Variants in TMEM132B observed in about 807,000 individuals in gnomAD.
The protein encoded by TMEM132B is transmembrane protein 132B.
TMEM132B carries 18 observed loss-of-function variants against 90.8 expected under a neutral mutation model. The observed-to-expected ratio is 0.20, with a 90% CI of 0.14 to 0.29. The LOEUF is 0.29. TMEM132B is among the 10% of genes least tolerant of loss of function. The probability of loss-of-function intolerance (pLI) is 1.00; values close to 1 mark genes in which losing one functional copy is unlikely to be tolerated. For missense variants in TMEM132B, 1,096 were observed against 1,326.8 expected, an observed-to-expected ratio of 0.83 and a Z score of 2.70; for synonymous variants, 504 against 523.3, an observed-to-expected ratio of 0.96 and a Z score of 0.50.
At chr12:125,193,900 G>T (rs562795316) in intron 1 of TMEM132B, among the ~76,000 whole-genome samples, 2 of 152,358 alleles carry the variant, frequency 1.3e-5, no homozygotes, top group East Asian at 3.9e-4. Context: ...TGAAGCAGAG[G>T]AGCTCAGAGG....
intron 2 of TMEM132B, among the ~76,000 whole-genome samples, chr12:125,372,998 G>A (rs761656873): frequency 9.2e-5 from 14 of 152,210 alleles, no homozygotes; most frequent in South Asian, 6.2e-4. Context: ...CCTTTTCCCC[G>A]ACCATCCCTA....
At chr12:125,500,910 T>TAG (rs1372418511) in intron 3 of TMEM132B, among the ~76,000 whole-genome samples, 1 of 152,040 alleles carries the variant, frequency 6.6e-6, no homozygotes, top group Non-Finnish European at 1.5e-5. Flanking sequence ...GATGTACAAG[T>TAG]AGAGAGAGAG....
chr12:125,251,680 C>T lies in TMEM132B; in HGVS notation c.67+64814C>T, dbSNP rs572372444. Among the ~76,000 whole-genome samples the T allele has an allele frequency of 6.6e-6, 1 of 152,144 alleles. No homozygotes were observed. Among genetic ancestry groups the T allele is most frequent in the African/African-American group, 2.4e-5 (1 of 41,432 alleles). ...GGTGTGGACTCTGGCAAACTGGAGA[C>T]CATGTTCCCCAGATGAAGGGGACAG... is the stretch of plus-strand genomic sequence containing the variant. On this transcript the variant is annotated intron_variant, in intron 1 of 8. Transcript: ENST00000682704. This position sits in a 1 kb window ranked among gnomAD's most constrained non-coding sequence, Gnocchi z 4.4.
At chr12:125,500,338 G>A (rs2136595454) in intron 3 of TMEM132B, among the ~76,000 whole-genome samples, 1 of 152,320 alleles carries the variant, frequency 6.6e-6, no homozygotes, top group South Asian at 2.1e-4. Flanking sequence ...AAATCTCTGG[G>A]CATTGTAGGA....
intron 1 of TMEM132B, among the ~76,000 whole-genome samples, chr12:125,342,377 C>A (rs575219255): frequency 2.0e-5 from 3 of 152,280 alleles, no homozygotes; most frequent in African/African-American, 7.2e-5. Context: ...CTCCCCTCAC[C>A]CCGTGCCTCA....
intron 1 of TMEM132B, among the ~76,000 whole-genome samples, chr12:125,281,860 C>G (rs1875188865): frequency 6.6e-6 from 1 of 151,638 alleles, no homozygotes; most frequent in South Asian, 2.1e-4. Flanking sequence ...AACCCCGTCT[C>G]TACTAAATAT....
chr12:125,339,365 C>T lies in TMEM132B; in HGVS notation c.68-10087C>T, dbSNP rs556651319. ...GCCTTCTATGCCACCACATGGTCTT[C>T]CCTGTGTGTGTCCGTTCTAATTTCC... On this transcript the variant is annotated intron_variant, in intron 1 of 8. Coordinates refer to ENST00000682704, the MANE Select transcript of TMEM132B (RefSeq NM_001366854.1). 1.6e-4 allele frequency among the ~76,000 whole-genome samples: 24 copies of T among 152,274 alleles called. No homozygotes were observed. In the South Asian group the frequency reaches 5.0e-3, roughly 32 times the overall value.
intron 1 of TMEM132B, among the ~76,000 whole-genome samples, chr12:125,204,983 G>C (rs1873146962): frequency 3.5e-5 from 4 of 114,884 alleles, no homozygotes; most frequent in Admixed American, 8.5e-5. Flanking sequence ...ACCAGGCACT[G>C]TGCTTAGCTC....
intron 1 of TMEM132B, among the ~76,000 whole-genome samples, chr12:125,311,295 G>A (rs1876117235): frequency 6.6e-6 from 1 of 152,216 alleles, no homozygotes; most frequent in African/African-American, 2.4e-5. Context: ...TATGAGGGGA[G>A]GCAGGCAACT....
intron 4 of TMEM132B, among the ~76,000 whole-genome samples, chr12:125,531,470 C>A (rs972972590): frequency 1.3e-5 from 2 of 152,130 alleles, no homozygotes; most frequent in Non-Finnish European, 2.9e-5. Context: ...ATTACAGGAG[C>A]GAGCCACTGT....
chr12:125,484,159 C>A (rs985424332), intron 3 of TMEM132B, among the ~76,000 whole-genome samples: 1 of 152,154 alleles, frequency 6.6e-6, no homozygotes, highest in Non-Finnish European at 1.5e-5. Flanking sequence ...CTTGGCCCCC[C>A]GAAGTGCTGG....
intron 1 of TMEM132B, among the ~76,000 whole-genome samples, chr12:125,199,815 A>G (rs1873015506): frequency 6.6e-6 from 1 of 152,122 alleles, no homozygotes; most frequent in African/African-American, 2.4e-5. Flanking sequence ...GTATAGATTA[A>G]AAAAAGGGCA....
chr12:125,316,414 G>C (rs1258167400), intron 1 of TMEM132B, among the ~76,000 whole-genome samples: 1 of 152,098 alleles, frequency 6.6e-6, no homozygotes, highest in African/African-American at 2.4e-5. Flanking sequence ...TCTATGTCAG[G>C]CATTCTAACC....
At chr12:125,465,981 G>A (rs1329815741) in intron 3 of TMEM132B, among the ~76,000 whole-genome samples, 1 of 152,100 alleles carries the variant, frequency 6.6e-6, no homozygotes, top group Non-Finnish European at 1.5e-5. Flanking sequence ...GCTTCCTGTA[G>A]GGCATGCAGA....
At position 125,550,093 on chromosome 12, in the gene TMEM132B, ATCT is replaced by A. The variant is rs372462870; in HGVS notation, c.1293+30476_1293+30478del. ...AAGGGCTTTTCATCCTGATTTTGGT[ATCT>A]TCTTCTTTCTGTTCCTGCCGCACAG... is the stretch of plus-strand genomic sequence containing the variant. On this transcript the variant is annotated intron_variant, in intron 4 of 8. Coordinates refer to ENST00000682704, the MANE Select transcript of TMEM132B (RefSeq NM_001366854.1). Among the ~76,000 whole-genome samples the A allele has an allele frequency of 3.3e-3, 502 of 152,270 alleles. 1 individual carries two copies. Among genetic ancestry groups the A allele is most frequent in the African/African-American group, 0.011 (469 of 41,554 alleles).
intron 3 of TMEM132B, among the ~76,000 whole-genome samples, chr12:125,493,484 A>C (rs1882411830): frequency 6.6e-6 from 1 of 152,094 alleles, no homozygotes; most frequent in Non-Finnish European, 1.5e-5. Context: ...GTCACACCAG[A>C]GGGAACGTCG....
At chr12:125,537,567 G>A (rs182439554) in intron 4 of TMEM132B, among the ~76,000 whole-genome samples, 9 of 152,298 alleles carry the variant, frequency 5.9e-5, no homozygotes, top group East Asian at 1.9e-4. Flanking sequence ...GAAGGAGGAC[G>A]TGTGTTCGAG....
intron 6 of TMEM132B, among the ~76,000 whole-genome samples, chr12:125,645,390 C>A (rs1363316078): frequency 1.3e-5 from 2 of 152,062 alleles, no homozygotes; most frequent in East Asian, 3.9e-4. Flanking sequence ...ACAGATAAGC[C>A]CTCTGCAAGC....
At chr12:125,561,394 A>G (rs1162461273) in intron 4 of TMEM132B, among the ~76,000 whole-genome samples, 1 of 152,132 alleles carries the variant, frequency 6.6e-6, no homozygotes, top group Admixed American at 6.5e-5. Flanking sequence ...TAGGGGAGGG[A>G]TAGCATTAGG....
Sources: allele counts gnomAD v4.1 joint callset (sites outside exome capture counted in the v4.1 genomes callset), GRCh38; gene constraint gnomAD v4.1.1; non-coding constraint Gnocchi (gnomAD v3.1); transcripts MANE v1.5; gene names NCBI Gene and HGNC (gene_info 2026-07-23, HGNC 2026-07-21).